Variants in SLC30A10 observed in about 807,000 individuals in gnomAD.
SLC30A10 encodes the protein calcium/manganese antiporter SLC30A10.
Under a neutral mutation model 21.7 loss-of-function variants are expected in SLC30A10, and 8 were observed. The ratio of observed to expected loss-of-function variants is 0.37; its 90% CI spans 0.22 to 0.67. The LOEUF (loss-of-function observed/expected upper bound fraction) is 0.67, where lower values mean the gene tolerates loss of function less well. Among genes scored for constraint, SLC30A10 ranks in the 30% least tolerant of loss-of-function variants. SLC30A10 has a pLI of 0.58. For missense variants in SLC30A10, 521 were observed against 642.5 expected (o/e 0.81, Z 2.04); for synonymous variants, 272 against 279.4 (o/e 0.97, Z 0.26).
intron 1 of SLC30A10, among the ~76,000 whole-genome samples, chr1:219,947,854 TA>T (rs1660210973): frequency 6.6e-6 from 1 of 152,012 alleles, no homozygotes; most frequent in Admixed American, 6.6e-5. Flanking sequence ...TAAATAAAAA[TA>T]AAAACCCCAT....
intron 1 of SLC30A10, among the ~76,000 whole-genome samples, chr1:219,937,386 C>A (rs1403149655): frequency 6.8e-6 from 1 of 146,698 alleles, no homozygotes; most frequent in Non-Finnish European, 1.5e-5. Context: ...GAAAAAAAAT[C>A]TTCTATTATA....
rs925101221 is a variant in SLC30A10 at position 219,913,819 on chromosome 1, G to A, written c.*1630C>T. On this transcript the variant is annotated 3_prime_UTR_variant, in exon 4 of 4. Coordinates refer to ENST00000366926, the MANE Select transcript of SLC30A10 (RefSeq NM_018713.3). ...TTCCTGGCCAGGTGCAGTGGCTCATGACTGTTCTCCCAGTGCTTTGGGAGG... is the reference window on the plus strand; with the variant it reads ...TTCCTGGCCAGGTGCAGTGGCTCATAACTGTTCTCCCAGTGCTTTGGGAGG... The A allele has an allele frequency of 6.6e-6, 1 of 152,166 alleles. No homozygotes were observed. Among genetic ancestry groups the A allele is most frequent in the Non-Finnish European group, 1.5e-5 (1 of 68,040 alleles). The allele number at this position is 152,166 out of a possible 1,614,324, so 9.4% of individuals were successfully genotyped here.
chr1:219,915,612 T>C lies in SLC30A10; in HGVS notation c.1295A>G (p.Asn432Ser), dbSNP rs144098238. ...GTATGTGTCTAGAGAGGGCCCACCA[T>C]TGTGCTCAGCACAGCCATTGACGTG... ...LAHVNGCAEH[N>S]GGPSLDTYGS... is the part of the protein sequence containing the mutation. Residue 432 changes from asparagine to serine, a missense_variant, in exon 4 of 4, where the codon AAT becomes AGT. Asn to Ser is a conservative substitution (Grantham distance 46). Coordinates refer to ENST00000366926, the MANE Select transcript of SLC30A10 (RefSeq NM_018713.3). 112 of 1,614,102 alleles carry C rather than the reference T, an allele frequency of 6.9e-5. 1 individual carries two copies. The South Asian group carries it at 8.5e-4, about 12-fold the overall frequency.
chr1:219,925,632 CATATAT>C lies in SLC30A10; in HGVS notation c.718+1390_718+1395del, dbSNP rs1164535981. 3.5e-3 allele frequency among the ~76,000 whole-genome samples: 243 copies of C among 68,820 alleles called. 5 individuals are homozygous for C. The highest frequency in any genetic ancestry group is 0.011 in the East Asian group (17 of 1,518). The allele number at this position is 68,820 out of a possible 152,430, so 45.1% of individuals were successfully genotyped here. ...CTTAAAATTTATGTGTGTGTGTGTA[CATATAT>C]ATATATATATATATTTTTTTTTTTT... On this transcript the variant is annotated intron_variant, in intron 2 of 3. Transcript: ENST00000366926.
chr1:219,948,201 G>C (rs1259146971), intron 1 of SLC30A10, among the ~76,000 whole-genome samples: 6 of 150,498 alleles, frequency 4.0e-5, no homozygotes, highest in Non-Finnish European at 7.4e-5. Context: ...GTAATTTATA[G>C]ATTCAATGCC....
At chr1:219,945,974 T>C (rs533619453) in intron 1 of SLC30A10, among the ~76,000 whole-genome samples, 33 of 152,222 alleles carry the variant, frequency 2.2e-4, no homozygotes, top group Non-Finnish European at 4.3e-4. Flanking sequence ...ACTGAGACTG[T>C]GCCCAAAAGA....
In SLC30A10 at chr1:219,912,126, T is replaced by C. The variant is rs1558247743; in HGVS notation, c.*3323A>G. Reference sequence around the variant, plus strand: ...CAAAACACCTGTCTCTACTGAACTTTAGAGTTCTTGATTTACCACCACTGG... The same window carrying C: ...CAAAACACCTGTCTCTACTGAACTTCAGAGTTCTTGATTTACCACCACTGG... On this transcript the variant is annotated 3_prime_UTR_variant, in exon 4 of 4. Coordinates refer to ENST00000366926, the MANE Select transcript of SLC30A10 (RefSeq NM_018713.3). Among the ~76,000 whole-genome samples the C allele has an allele frequency of 7.2e-6, 1 of 139,116 alleles. No homozygotes were observed. Among genetic ancestry groups the C allele is most frequent in the Non-Finnish European group, 1.5e-5 (1 of 66,646 alleles). The allele number at this position is 139,116 out of a possible 152,430, so 91.3% of individuals were successfully genotyped here.
chr1:219,933,159 C>G (rs1694589), upstream of SLC30A10, among the ~76,000 whole-genome samples: 9,112 of 151,956 alleles, frequency 0.06, 914 homozygotes, highest in African/African-American at 0.21. Context: ...CCACCTAGAA[C>G]GAAGCAGCTC....
intron 1 of SLC30A10, among the ~76,000 whole-genome samples, chr1:219,956,579 C>T (rs1660357604): frequency 6.6e-6 from 1 of 151,444 alleles, no homozygotes; most frequent in South Asian, 2.1e-4. Flanking sequence ...TTTGGGAGGC[C>T]AAGCAGGTGG....
chr1:219,953,572 C>T (rs751671308), intron 1 of SLC30A10, among the ~76,000 whole-genome samples: 7 of 149,910 alleles, frequency 4.7e-5, no homozygotes, highest in Admixed American at 4.0e-4. Flanking sequence ...CACTGCACTC[C>T]AGACTGGGTG....
intron 1 of SLC30A10, among the ~76,000 whole-genome samples, chr1:219,957,862 A>G (rs1036030753): frequency 1.3e-5 from 2 of 152,202 alleles, no homozygotes; most frequent in African/African-American, 4.8e-5. Flanking sequence ...CCAAGATTTA[A>G]TTCCATTCTT....
At position 219,913,754 on chromosome 1, in the gene SLC30A10, A is replaced by C. The variant is rs1414463895; in HGVS notation, c.*1695T>G. ...TTTTCTATTTACCTACTTCACAGCC[A>C]ATTTAAACTCAGATAATACATTTTC... is the stretch of plus-strand genomic sequence containing the variant. On this transcript the variant is annotated 3_prime_UTR_variant, in exon 4 of 4. Coordinates refer to ENST00000366926, the MANE Select transcript of SLC30A10 (RefSeq NM_018713.3). The C allele has an allele frequency of 3.3e-5, 5 of 152,198 alleles. No homozygotes were observed. Among genetic ancestry groups the C allele is most frequent in the Non-Finnish European group, 2.9e-5 (2 of 68,048 alleles). The allele number at this position is 152,198 out of a possible 1,614,324, so 9.4% of individuals were successfully genotyped here.
intron 1 of SLC30A10, among the ~76,000 whole-genome samples, chr1:219,948,822 G>A (rs2102545880): frequency 6.6e-6 from 1 of 152,202 alleles, no homozygotes; most frequent in South Asian, 2.1e-4. Context: ...AGAGTGAACA[G>A]GCAACCTACA....
chr1:219,916,153 T>C (rs1659538545), intron 3 of SLC30A10, among the ~76,000 whole-genome samples: 1 of 152,200 alleles, frequency 6.6e-6, no homozygotes, highest in Admixed American at 6.5e-5. Context: ...CACAAAGTCA[T>C]TTAAGAAAGT....
intron 1 of SLC30A10, among the ~76,000 whole-genome samples, chr1:219,943,177 T>C (rs1378668156): frequency 2.6e-5 from 4 of 152,050 alleles, no homozygotes; most frequent in Admixed American, 1.3e-4. Flanking sequence ...AGATACATAA[T>C]ATAAACAAAG....
Position 219,928,529 on chromosome 1 carries a change from C to A in SLC30A10, c.-89G>T. 1 of 1,232,970 alleles carries A rather than the reference C, an allele frequency of 8.1e-7. No homozygotes were observed. Among genetic ancestry groups the A allele is most frequent in the Non-Finnish European group, 1.1e-6 (1 of 944,734 alleles). 76.4% of individuals were successfully genotyped at this position (1,232,970 alleles called of 1,614,324 possible). On this transcript the variant is annotated 5_prime_UTR_variant, in exon 1 of 4. Coordinates refer to ENST00000366926, the MANE Select transcript of SLC30A10 (RefSeq NM_018713.3). This position sits in a 1 kb window ranked among gnomAD's most constrained non-coding sequence, Gnocchi z 6.3. ...ACAGGTGGGGGGCGCGGCGCGGATC[C>A]GTGAGGCCCGGTACCCGCCTCCCAG...
chr1:219,957,458 T>A (rs927319430), intron 1 of SLC30A10, among the ~76,000 whole-genome samples: 2 of 152,222 alleles, frequency 1.3e-5, no homozygotes, highest in African/African-American at 4.8e-5. Flanking sequence ...AAGGAAATAT[T>A]TGAAATTTTT....
intron 1 of SLC30A10, among the ~76,000 whole-genome samples, chr1:219,946,321 A>C (rs1660186182): frequency 6.6e-6 from 1 of 152,190 alleles, no homozygotes; most frequent in Admixed American, 6.5e-5. Context: ...GAGGGTATCT[A>C]AATTGCCAAA....
rs1659501236 is a variant in SLC30A10 at position 219,915,086 on chromosome 1, A to G, written c.*363T>C. 4.9e-6 allele frequency: 1 copy of G among 205,098 alleles called. No individual in the cohort carries two copies. Among genetic ancestry groups the G allele is most frequent in the Non-Finnish European group, 9.9e-6 (1 of 100,916 alleles). The allele number at this position is 205,098 out of a possible 1,614,324, so 12.7% of individuals were successfully genotyped here. A position where few individuals can be genotyped will look rare whatever the true frequency, so the allele number is the denominator to read the frequency against. ...CTATGATCTCACCTGAGCATTAGCTAGAAGTTCTAATCAGTTTAGAAACAA... is the reference window on the plus strand; with the variant it reads ...CTATGATCTCACCTGAGCATTAGCTGGAAGTTCTAATCAGTTTAGAAACAA... On this transcript the variant is annotated 3_prime_UTR_variant, in exon 4 of 4. Transcript: ENST00000366926.
Sources: allele counts gnomAD v4.1 joint callset (sites outside exome capture counted in the v4.1 genomes callset), GRCh38; gene constraint gnomAD v4.1.1; non-coding constraint Gnocchi (gnomAD v3.1); transcripts MANE v1.5; gene names NCBI Gene and HGNC (gene_info 2026-07-23, HGNC 2026-07-21).